PPM1E: variants seen among roughly 807,000 people sequenced by gnomAD.
PPM1E encodes protein phosphatase 1E.
A neutral mutation model predicts 65.9 loss-of-function variants in PPM1E; 20 were observed. The ratio of observed to expected loss-of-function variants is 0.30; its 90% confidence interval spans 0.21 to 0.44. The LOEUF (loss-of-function observed/expected upper bound fraction) is 0.44, where lower values mean the gene tolerates loss of function less well. Ranked by LOEUF, PPM1E falls within the 20% of genes least tolerant of loss-of-function variation. The pLI is 1.00. For missense variants in PPM1E, 713 were observed against 953.1 expected, an observed-to-expected ratio of 0.75 and a Z score of 3.32; for synonymous variants, 352 against 374.9, an observed-to-expected ratio of 0.94 and a Z score of 0.70.
intron 1 of PPM1E, among the ~76,000 whole-genome samples, chr17:58,866,611 T>C (rs1388959357): frequency 1.5e-5 from 2 of 129,540 alleles, no homozygotes; most frequent in Non-Finnish European, 3.5e-5. Flanking sequence ...GCTGTCATTG[T>C]AAATGCTGTC....
In PPM1E at chr17:58,890,646, C is replaced by T. The variant is rs142787368; in HGVS notation, c.465-65003C>T. Among the ~76,000 whole-genome samples the T allele has an allele frequency of 1.0e-3, 156 of 151,000 alleles. 1 individual carries two copies. The highest frequency in any genetic ancestry group is 3.4e-3 in the African/African-American group (139 of 41,240). On this transcript the variant is annotated intron_variant, in intron 1 of 6. Coordinates refer to ENST00000308249, the MANE Select transcript of PPM1E (RefSeq NM_014906.5). ...GTATGTGTGTATATAAACATACACA[C>T]ATATATATATATACATGAATGTTTT... is the stretch of plus-strand genomic sequence containing the variant.
intron 1 of PPM1E, among the ~76,000 whole-genome samples, chr17:58,878,045 G>A (rs1055851701): frequency 6.6e-6 from 1 of 151,830 alleles, no homozygotes; most frequent in African/African-American, 2.4e-5. Flanking sequence ...GAAAATAAAA[G>A]CGTGAAAGAG....
chr17:58,784,220 A>C (rs1040963031), intron 1 of PPM1E, among the ~76,000 whole-genome samples: 3 of 146,536 alleles, frequency 2.0e-5, no homozygotes, highest in Non-Finnish European at 4.5e-5. Context: ...GACGGGTTTC[A>C]CCATGTTGGC....
intron 1 of PPM1E, among the ~76,000 whole-genome samples, chr17:58,858,522 ATT>A (rs765424392): frequency 2.8e-5 from 4 of 144,842 alleles, no homozygotes; most frequent in Admixed American, 7.0e-5. Flanking sequence ...CATGAGATCA[ATT>A]TTTTTTTTTT....
At chr17:58,811,887 T>C (rs1454851580) in intron 1 of PPM1E, among the ~76,000 whole-genome samples, 1 of 152,100 alleles carries the variant, frequency 6.6e-6, no homozygotes, top group Non-Finnish European at 1.5e-5. Flanking sequence ...ATCAGGATGG[T>C]CTCGATCTCT....
intron 1 of PPM1E, among the ~76,000 whole-genome samples, chr17:58,808,621 T>TA (rs1233003716): frequency 1.3e-5 from 2 of 151,950 alleles, no homozygotes; most frequent in African/African-American, 2.4e-5. Flanking sequence ...AAACATCAAC[T>TA]AAAAAAACAG....
chr17:58,761,056 T>C (rs943501960), intron 1 of PPM1E, among the ~76,000 whole-genome samples: 1 of 152,176 alleles, frequency 6.6e-6, no homozygotes, highest in Non-Finnish European at 1.5e-5. Context: ...ACCTAAACTT[T>C]AGTGTGTCTG....
chr17:58,889,547 C>T lies in PPM1E; in HGVS notation c.465-66102C>T, dbSNP rs186018031. 1.9e-3 allele frequency among the ~76,000 whole-genome samples: 289 copies of T among 152,210 alleles called. 6 individuals are homozygous for T. Among genetic ancestry groups the T allele is most frequent in the Admixed American group, 0.016 (243 of 15,280 alleles). On this transcript the variant is annotated intron_variant, in intron 1 of 6. Transcript: ENST00000308249. Reference sequence around the variant, plus strand: ...CCAGGAGGCGGAGGTTGCAGTGAGCCGAGACCGTGCCACTGCACTGCAGCC... The same window carrying T: ...CCAGGAGGCGGAGGTTGCAGTGAGCTGAGACCGTGCCACTGCACTGCAGCC...
chr17:58,950,364 A>G (rs1207163990), intron 1 of PPM1E, among the ~76,000 whole-genome samples: 2 of 152,220 alleles, frequency 1.3e-5, no homozygotes, highest in Admixed American at 1.3e-4. Context: ...TCTGTCTCAA[A>G]AAAAAAATTA....
intron 1 of PPM1E, among the ~76,000 whole-genome samples, chr17:58,771,591 C>G (rs1598560408): frequency 1.3e-5 from 2 of 150,798 alleles, no homozygotes; most frequent in South Asian, 4.2e-4. Flanking sequence ...CCACTGCACT[C>G]CAGCCTGGCA....
intron 2 of PPM1E, among the ~76,000 whole-genome samples, chr17:58,963,884 C>T (rs2030126635): frequency 6.6e-6 from 1 of 151,554 alleles, no homozygotes; most frequent in African/African-American, 2.4e-5. Context: ...GCAAGACTCT[C>T]TCAGAAAAAA....
In PPM1E at chr17:58,934,121, A is replaced by G. The variant is rs1171680362; in HGVS notation, c.465-21528A>G. ...AAAAAAAAAAAAAAGAGAGATGGAAACAGGGAGAATGACTAGAAGAGTTGA... is the reference window on the plus strand; with the variant it reads ...AAAAAAAAAAAAAAGAGAGATGGAAGCAGGGAGAATGACTAGAAGAGTTGA... On this transcript the variant is annotated intron_variant, in intron 1 of 6. Coordinates refer to ENST00000308249, the MANE Select transcript of PPM1E (RefSeq NM_014906.5). Among the ~76,000 whole-genome samples, 4 of 151,720 alleles carry G rather than the reference A, an allele frequency of 2.6e-5. No homozygotes were observed. The East Asian group carries it at 7.7e-4, about 29-fold the overall frequency.
chr17:58,970,967 T>G (rs555261339), intron 4 of PPM1E, among the ~76,000 whole-genome samples: 26 of 151,216 alleles, frequency 1.7e-4, no homozygotes, highest in South Asian at 6.2e-4. Flanking sequence ...AAATTATGTG[T>G]TGTTGTTGTT....
intron 1 of PPM1E, among the ~76,000 whole-genome samples, chr17:58,951,740 A>G (rs1340466141): frequency 6.6e-6 from 1 of 152,098 alleles, no homozygotes. Context: ...AATTAACAGT[A>G]GGATGCCTAT....
At chr17:58,806,949 C>A (rs1361846663) in intron 1 of PPM1E, among the ~76,000 whole-genome samples, 1 of 151,860 alleles carries the variant, frequency 6.6e-6, no homozygotes, top group African/African-American at 2.4e-5. Flanking sequence ...TCGTGATCCA[C>A]CTGCCTCAGC....
chr17:58,924,246 AAAAG>A (rs1010550151), intron 1 of PPM1E, among the ~76,000 whole-genome samples: 15 of 151,932 alleles, frequency 9.9e-5, no homozygotes, highest in African/African-American at 3.1e-4. Context: ...AAAAAAGAAA[AAAAG>A]GAAGGAAGGA....
chr17:58,756,414 G>A lies in PPM1E; in HGVS notation c.417G>A (p.Glu139=), dbSNP rs1460964474. ...RPLSERITRE[E]VEGESLDLCL... ...TGTCAGAGCGCATCACCCGCGAGGA[G>A]GTGGAGGGCGAAAGCCTGGACCTGT... Residue 139 remains glutamate (E), a synonymous_variant, in exon 1 of 7, where the codon GAG becomes GAA. Transcript: ENST00000308249. 1.5e-6 allele frequency: 2 copies of A among 1,356,542 alleles called. No individual in the cohort carries two copies. Among genetic ancestry groups the A allele is most frequent in the East Asian group, 6.1e-5 (2 of 32,702 alleles). 84.0% of individuals were successfully genotyped at this position (1,356,542 alleles called of 1,614,324 possible).
intron 1 of PPM1E, among the ~76,000 whole-genome samples, chr17:58,882,218 C>T (rs2051203995): frequency 6.6e-6 from 1 of 151,904 alleles, no homozygotes; most frequent in Non-Finnish European, 1.5e-5. Context: ...AGCAGTGTTA[C>T]CTTTTTCCTT....
intron 1 of PPM1E, among the ~76,000 whole-genome samples, chr17:58,835,459 G>A (rs1179558356): frequency 6.6e-6 from 1 of 152,058 alleles, no homozygotes; most frequent in African/African-American, 2.4e-5. Flanking sequence ...TATTGTAAAT[G>A]TTCTGGGAAA....
Sources: gnomAD v4.1 joint callset for allele counts (sites outside exome capture counted in the v4.1 genomes callset) on GRCh38, gnomAD v4.1.1 for gene constraint, MANE v1.5 for transcripts, NCBI Gene and HGNC (gene_info 2026-07-23, HGNC 2026-07-21) for gene names.